QTMAN: variants seen among roughly 807,000 people sequenced by gnomAD.
QTMAN encodes queuosine-tRNA mannosyltransferase, also known as tRNA-queuosine alpha-mannosyltransferase.
the QTMAN span, among the ~76,000 whole-genome samples, chr2:144,246,340 G>A: frequency 9.2e-5 from 14 of 152,006 alleles, no homozygotes; most frequent in East Asian, 2.5e-3. Context: ...TTGGGAGGCC[G>A]AGGCGGGTGG....
chr2:143,946,855 T>A, the QTMAN span: 1 of 558,118 alleles, frequency 1.8e-6, no homozygotes, highest in Non-Finnish European at 3.2e-6. Flanking sequence ...TAATTTGAGT[T>A]GGGGTGGTGG....
the QTMAN span, among the ~76,000 whole-genome samples, chr2:144,270,596 T>C: frequency 6.8e-6 from 1 of 147,204 alleles, no homozygotes; most frequent in African/African-American, 2.5e-5. Flanking sequence ...TAAGTGGAAG[T>C]TGAACAATGA....
chr2:143,977,236 G>T, the QTMAN span, among the ~76,000 whole-genome samples: 1 of 152,104 alleles, frequency 6.6e-6, no homozygotes, highest in East Asian at 1.9e-4. Context: ...GAGGAGAGGG[G>T]GAGGAAGTCC....
At chr2:144,158,798 G>C in the QTMAN span, among the ~76,000 whole-genome samples, 1 of 152,016 alleles carries the variant, frequency 6.6e-6, no homozygotes, top group Non-Finnish European at 1.5e-5. Flanking sequence ...CATGCATATA[G>C]AGGTATTGTG....
the QTMAN span, among the ~76,000 whole-genome samples, chr2:143,986,803 T>C: frequency 5.3e-5 from 8 of 152,186 alleles, no homozygotes; most frequent in African/African-American, 1.9e-4. Context: ...CATGTATGTG[T>C]GTATCTCCTA....
chr2:144,148,667 T>C, the QTMAN span, among the ~76,000 whole-genome samples: 1 of 151,818 alleles, frequency 6.6e-6, no homozygotes, highest in African/African-American at 2.4e-5. Context: ...ACTCTATTTC[T>C]ACCACATGTC....
chr2:144,135,702 C>T, the QTMAN span, among the ~76,000 whole-genome samples: 2 of 152,218 alleles, frequency 1.3e-5, no homozygotes, highest in East Asian at 3.9e-4. Context: ...CTTTACTGGT[C>T]AAAGTCAAGT....
chr2:144,218,544 C>G, the QTMAN span, among the ~76,000 whole-genome samples: 1 of 152,084 alleles, frequency 6.6e-6, no homozygotes, highest in African/African-American at 2.4e-5. Context: ...ATATACACAC[C>G]AAATGAGTTT....
chr2:144,190,085 T>A, the QTMAN span, among the ~76,000 whole-genome samples: 1 of 152,366 alleles, frequency 6.6e-6, no homozygotes, highest in South Asian at 2.1e-4. Flanking sequence ...AAAGAAATTT[T>A]ATCTTTTATT....
the QTMAN span, among the ~76,000 whole-genome samples, chr2:144,050,416 T>C: frequency 2.0e-5 from 3 of 152,176 alleles, no homozygotes; most frequent in Non-Finnish European, 2.9e-5. Context: ...TACTAGGTAA[T>C]GAGTTTCCAA....
chr2:144,313,321 T>C, the QTMAN span, among the ~76,000 whole-genome samples: 5 of 152,236 alleles, frequency 3.3e-5, no homozygotes, highest in Non-Finnish European at 4.4e-5. Flanking sequence ...GGGTTACTTA[T>C]TACCCTTTGG....
At chr2:144,198,666 A>G in the QTMAN span, among the ~76,000 whole-genome samples, 2 of 152,176 alleles carry the variant, frequency 1.3e-5, no homozygotes, top group Non-Finnish European at 2.9e-5. Flanking sequence ...ATTTGCTTTC[A>G]TGTTTATGTG....
At chr2:144,186,966 A>T in the QTMAN span, among the ~76,000 whole-genome samples, 1 of 152,190 alleles carries the variant, frequency 6.6e-6, no homozygotes, top group Non-Finnish European at 1.5e-5. Flanking sequence ...AACTGTGTTA[A>T]TATTTGTCAT....
chr2:144,292,014 T>C, the QTMAN span, among the ~76,000 whole-genome samples: 1 of 152,230 alleles, frequency 6.6e-6, no homozygotes, highest in Admixed American at 6.5e-5. Context: ...CTCTGACAAC[T>C]AGTTGTCACA....
chr2:143,999,906 A>C, the QTMAN span, among the ~76,000 whole-genome samples: 1 of 152,108 alleles, frequency 6.6e-6, no homozygotes, highest in Non-Finnish European at 1.5e-5. Context: ...ATATTCTATT[A>C]TAACAGTACC....
chr2:144,194,395 T>C, the QTMAN span, among the ~76,000 whole-genome samples: 1 of 152,162 alleles, frequency 6.6e-6, no homozygotes, highest in African/African-American at 2.4e-5. Flanking sequence ...TCCAAGGCCC[T>C]TTCCTCGTCC....
the QTMAN span, among the ~76,000 whole-genome samples, chr2:144,098,309 A>C: frequency 6.6e-6 from 1 of 152,238 alleles, no homozygotes; most frequent in Non-Finnish European, 1.5e-5. Context: ...CTCATTTGTT[A>C]ATGTGCTAAC....
At chr2:144,153,815 A>C in the QTMAN span, among the ~76,000 whole-genome samples, 3 of 152,224 alleles carry the variant, frequency 2.0e-5, no homozygotes, top group Admixed American at 6.5e-5. Context: ...TAATATTTTA[A>C]AGGAAGATAG....
chr2:144,229,685 G>A, the QTMAN span, among the ~76,000 whole-genome samples: 19 of 152,208 alleles, frequency 1.2e-4, no homozygotes, highest in African/African-American at 2.6e-4. Flanking sequence ...TAAGTTAGGC[G>A]TGGGGGGAAG....
Sources: gnomAD v4.1 joint callset for allele counts (sites outside exome capture counted in the v4.1 genomes callset) on GRCh38, gnomAD v4.1.1 for gene constraint, MANE v1.5 for transcripts, NCBI Gene and HGNC (gene_info 2026-07-23, HGNC 2026-07-21) for gene names.